LIN28B: variants seen among roughly 807,000 people sequenced by gnomAD.
The protein encoded by LIN28B is protein lin-28 homolog B.
A neutral mutation model predicts 21.9 loss-of-function variants in LIN28B; 5 were observed. The observed-to-expected ratio is 0.23, with a 90% CI of 0.12 to 0.48. The LOEUF is 0.48. LIN28B is among the 20% of genes least tolerant of loss of function. The pLI is 0.98. For missense variants in LIN28B, 245 were observed against 310.5 expected (o/e 0.79, Z 1.58); for synonymous variants, 109 against 111.3 (o/e 0.98, Z 0.13).
chr6:104,958,920 C>T (rs1769652720), intron 2 of LIN28B, among the ~76,000 whole-genome samples: 1 of 152,124 alleles, frequency 6.6e-6, no homozygotes, highest in Admixed American at 6.5e-5. Context: ...CATTGGTCTA[C>T]GTATACTGTC....
chr6:104,948,065 T>G (rs1778177982), intron 2 of LIN28B, among the ~76,000 whole-genome samples: 1 of 152,180 alleles, frequency 6.6e-6, no homozygotes, highest in Non-Finnish European at 1.5e-5. Flanking sequence ...TGAATGGAGA[T>G]TATTCTCGTG....
rs185717597 is a variant in LIN28B at position 105,006,864 on chromosome 6, A to G, written c.199-19434A>G. 1.4e-3 allele frequency among the ~76,000 whole-genome samples: 220 copies of G among 152,310 alleles called. No individual in the cohort carries two copies. The Middle Eastern group carries it at 0.017, about 12-fold the overall frequency. ...AAAAGTACCTAAGCTATTTTTACTC[A>G]CATTTCATTAGCCAAAGTAAATTAT... On this transcript the variant is annotated intron_variant, in intron 2 of 3. Coordinates refer to ENST00000345080, the MANE Select transcript of LIN28B (RefSeq NM_001004317.4).
In LIN28B at chr6:105,081,606, A is replaced by C. The variant is rs887368210; in HGVS notation, c.*2823A>C. ...ATGAAGCATCTCGTTTTAGTTAGCA[A>C]AGTCTCCAAACATTTCCTTAAAATA... On this transcript the variant is annotated 3_prime_UTR_variant, in exon 4 of 4. Transcript: ENST00000345080. 2 of 152,324 alleles carry C rather than the reference A, an allele frequency of 1.3e-5. No individual in the cohort carries two copies. The highest frequency in any genetic ancestry group is 2.9e-5 in the Non-Finnish European group (2 of 68,044). The allele number at this position is 152,324 out of a possible 1,614,324, so 9.4% of individuals were successfully genotyped here. A position where few individuals can be genotyped will look rare whatever the true frequency, so the allele number is the denominator to read the frequency against.
intron 3 of LIN28B, among the ~76,000 whole-genome samples, chr6:105,040,713 G>A (rs1230495191): frequency 6.6e-6 from 1 of 151,956 alleles, no homozygotes; most frequent in Non-Finnish European, 1.5e-5. Context: ...TTCGCATTTT[G>A]TAGTTAAAAA....
At chr6:104,954,080 C>G (rs1474881842), upstream of LIN28B, among the ~76,000 whole-genome samples, 1 of 152,072 alleles carries the variant, frequency 6.6e-6, no homozygotes, top group Non-Finnish European at 1.5e-5. Flanking sequence ...ATTGACGATT[C>G]TTTGTAGCTA....
At chr6:104,969,230 G>T (rs968043860) in intron 2 of LIN28B, among the ~76,000 whole-genome samples, 9 of 152,082 alleles carry the variant, frequency 5.9e-5, no homozygotes, top group African/African-American at 1.9e-4. Context: ...TGAATACTCA[G>T]TCTAAGGACA....
intron 1 of LIN28B, 56 bp downstream of exon 1, chr6:104,957,316 C>A: frequency 1.6e-6 from 2 of 1,274,280 alleles, no homozygotes; most frequent in Non-Finnish European, 1.1e-6. Context: ...TTCTCCTCCC[C>A]CTCCCCCTCT....
Position 104,990,573 on chromosome 6 carries a change from T to A in LIN28B, c.198+32287T>A, listed in dbSNP as rs201802422. Among the ~76,000 whole-genome samples, 113 of 151,838 alleles carry A rather than the reference T, an allele frequency of 7.4e-4. 2 individuals carry two copies. Among genetic ancestry groups the A allele is most frequent in the East Asian group, 2.5e-3 (13 of 5,180 alleles). On this transcript the variant is annotated intron_variant, in intron 2 of 3. Transcript: ENST00000345080. Reference sequence around the variant, plus strand: ...TAGTCTTGTTTTTTATTTTTTATTTTTTTTTTTTTATTGATCATTCTTGGG... The same window carrying A: ...TAGTCTTGTTTTTTATTTTTTATTTATTTTTTTTTATTGATCATTCTTGGG...
intron 3 of LIN28B, among the ~76,000 whole-genome samples, chr6:105,067,181 C>T (rs1772234805): frequency 6.6e-6 from 1 of 152,194 alleles, no homozygotes; most frequent in African/African-American, 2.4e-5. Context: ...TTAACCATTT[C>T]AAGATAAGTT....
intron 3 of LIN28B, among the ~76,000 whole-genome samples, chr6:105,050,735 T>C (rs1771885125): frequency 6.6e-6 from 1 of 151,340 alleles, no homozygotes; most frequent in African/African-American, 2.4e-5. Context: ...TTTACAATGT[T>C]TTACATCACT....
chr6:105,023,230 ATATAT>A (rs1199398111), intron 2 of LIN28B, among the ~76,000 whole-genome samples: 5 of 97,376 alleles, frequency 5.1e-5, no homozygotes, highest in East Asian at 2.5e-4. Flanking sequence ...TATATATAAT[ATATAT>A]TATATTATAT....
chr6:105,033,124 G>T (rs1416819548), intron 3 of LIN28B, among the ~76,000 whole-genome samples: 1 of 152,078 alleles, frequency 6.6e-6, no homozygotes, highest in Admixed American at 6.6e-5. Context: ...TAAAGTGTAA[G>T]GCCTAGGTAG....
At chr6:104,960,398 A>AT (rs1397554132) in intron 2 of LIN28B, among the ~76,000 whole-genome samples, 5 of 152,210 alleles carry the variant, frequency 3.3e-5, no homozygotes, top group African/African-American at 9.6e-5. Flanking sequence ...TTTAAAAAAC[A>AT]TTTTTATTAT....
intron 2 of LIN28B, among the ~76,000 whole-genome samples, chr6:104,973,990 T>C (rs557667654): frequency 6.6e-6 from 1 of 152,384 alleles, no homozygotes; most frequent in African/African-American, 2.4e-5. Flanking sequence ...TGAAATGTTT[T>C]ACTGTACATC....
rs1028099797 is a variant in LIN28B, at chr6:105,034,582, T to C, written c.383+8100T>C. Among the ~76,000 whole-genome samples the C allele has an allele frequency of 1.1e-4, 16 of 152,080 alleles. No homozygotes were observed. In the East Asian group the frequency reaches 3.1e-3, roughly 29 times the overall value. The stretch of plus-strand genomic sequence containing the variant: ...GATGCTACTTATTTAGATTTAAAAA[T>C]TGATTGTGAAATTTAACATTCCTTG... On this transcript the variant is annotated intron_variant, in intron 3 of 3. Coordinates refer to ENST00000345080, the MANE Select transcript of LIN28B (RefSeq NM_001004317.4).
At chr6:105,072,032 C>T (rs947582227) in intron 3 of LIN28B, among the ~76,000 whole-genome samples, 3 of 151,992 alleles carry the variant, frequency 2.0e-5, no homozygotes, top group South Asian at 2.1e-4. Flanking sequence ...CAAAGAAACA[C>T]GCTGACCTCC....
At chr6:105,043,224 C>T (rs924370808) in intron 3 of LIN28B, among the ~76,000 whole-genome samples, 3 of 151,548 alleles carry the variant, frequency 2.0e-5, no homozygotes, top group Non-Finnish European at 4.4e-5. Context: ...ATCAGGAGTT[C>T]GAGACCAGCC....
chr6:105,000,005 T>G (rs1770689275), intron 2 of LIN28B, among the ~76,000 whole-genome samples: 1 of 152,264 alleles, frequency 6.6e-6, no homozygotes, highest in South Asian at 2.1e-4. Flanking sequence ...GCACTCCTTT[T>G]GAGGACCACC....
intron 2 of LIN28B, among the ~76,000 whole-genome samples, chr6:104,961,476 C>G (rs1220406473): frequency 1.3e-5 from 2 of 151,658 alleles, no homozygotes; most frequent in African/African-American, 4.8e-5. Flanking sequence ...TCTCGGCTCA[C>G]TGCAACCTCC....
Sources: gnomAD v4.1 joint callset for allele counts (sites outside exome capture counted in the v4.1 genomes callset) on GRCh38, gnomAD v4.1.1 for gene constraint, MANE v1.5 for transcripts, NCBI Gene and HGNC (gene_info 2026-07-23, HGNC 2026-07-21) for gene names.